TYW1B: variants seen among roughly 807,000 people sequenced by gnomAD.
TYW1B encodes the protein S-adenosyl-L-methionine-dependent tRNA 4-demethylwyosine synthase TYW1B.
In TYW1B, 73 loss-of-function variants were observed where a neutral mutation model predicts 86.9. The ratio of observed to expected loss-of-function variants is 0.84; its 90% confidence interval spans 0.70 to 1.02. The LOEUF (loss-of-function observed/expected upper bound fraction) is 1.02, where lower values mean the gene tolerates loss of function less well. Among genes scored for constraint, TYW1B ranks in the 50% least tolerant of loss-of-function variants. TYW1B has a pLI of 0.00. For missense variants in TYW1B, 637 were observed against 827.4 expected, an observed-to-expected ratio of 0.77 and a Z score of 2.82; for synonymous variants, 248 against 292.8, an observed-to-expected ratio of 0.85 and a Z score of 1.56.
At chr7:72,659,519 A>T (rs1367942853) in intron 11 of TYW1B, among the ~76,000 whole-genome samples, 3 of 152,208 alleles carry the variant, frequency 2.0e-5, no homozygotes, top group Non-Finnish European at 2.9e-5. Flanking sequence ...CTGAGGGTAC[A>T]GTGAGCCGAG....
chr7:72,713,756 G>A lies in TYW1B; in HGVS notation c.1235C>T (p.Thr412Met), dbSNP rs532191787. ...GAGGGACAATGCACAGTGCTTTACC[G>A]TCATTCCTTCTTCAAAGCGTTCTGC... ...VKAERFEEGM[T>M]VKHCALSLVG... The change falls in exon 10 of 14, where the codon ACG (threonine) becomes ATG (methionine). Residue 412 changes from threonine (T) to methionine (M), a missense_variant. Transcript: ENST00000620995. The A allele has an allele frequency of 1.7e-5, 28 of 1,603,642 alleles. No individual in the cohort carries two copies. The highest frequency in any genetic ancestry group is 1.7e-4 in the Middle Eastern group (1 of 6,008).
At chr7:72,722,022 TTCTCA>T (rs1786912851) in intron 9 of TYW1B, among the ~76,000 whole-genome samples, 1 of 152,204 alleles carries the variant, frequency 6.6e-6, no homozygotes, top group African/African-American at 2.4e-5. Context: ...CTCTTCTTTC[TTCTCA>T]TAACAATGCA....
rs56806378 is a variant in TYW1B, at chr7:72,734,268, A to AAAAAAAAAAAAAAAAAAAC, written c.1083-5338_1083-5337insGTTTTTTTTTTTTTTTTTT. ...TTAAAACTCCATCTCAAAAAAAAAA[A>AAAAAAAAAAAAAAAAAAAC]ACACAACAAAAAAACTATAAACCTA... On this transcript the variant is annotated intron_variant, in intron 8 of 13. Coordinates refer to ENST00000620995, the MANE Select transcript of TYW1B (RefSeq NM_001145440.3). Among the ~76,000 whole-genome samples the AAAAAAAAAAAAAAAAAAAC allele has an allele frequency of 2.6e-3, 255 of 98,072 alleles. 19 individuals are homozygous for AAAAAAAAAAAAAAAAAAAC. Among genetic ancestry groups the AAAAAAAAAAAAAAAAAAAC allele is most frequent in the Non-Finnish European group, 3.6e-3 (173 of 47,668 alleles). 64.3% of individuals were successfully genotyped at this position (98,072 alleles called of 152,430 possible).
chr7:72,668,463 T>C (rs1436320176), intron 11 of TYW1B, among the ~76,000 whole-genome samples: 8 of 152,208 alleles, frequency 5.3e-5, no homozygotes, highest in African/African-American at 1.7e-4. Context: ...GTTAAGACCA[T>C]TTCCCATTTT....
intron 11 of TYW1B, among the ~76,000 whole-genome samples, chr7:72,634,845 C>G (rs1189923211): frequency 1.2e-4 from 19 of 152,030 alleles, no homozygotes; most frequent in Non-Finnish European, 2.6e-4. Flanking sequence ...GTCTTTTTTC[C>G]AACTGATTTT....
chr7:72,687,105 A>G (rs1370338388), intron 11 of TYW1B, among the ~76,000 whole-genome samples: 2 of 152,212 alleles, frequency 1.3e-5, no homozygotes, highest in African/African-American at 4.8e-5. Flanking sequence ...TGTTAAAATG[A>G]GGAGCTCTGT....
At chr7:72,822,527 G>A (rs1586011872) in intron 2 of TYW1B, among the ~76,000 whole-genome samples, 1 of 152,266 alleles carries the variant, frequency 6.6e-6, no homozygotes, top group East Asian at 1.9e-4. Context: ...CTACAAATTT[G>A]CCTTCTCATT....
chr7:72,595,518 T>TA (rs1174956093), intron 13 of TYW1B, among the ~76,000 whole-genome samples: 8 of 151,886 alleles, frequency 5.3e-5, no homozygotes, highest in Admixed American at 1.3e-4. Flanking sequence ...ACCCTGTCTC[T>TA]AAAAAAATAC....
At chr7:72,654,333 A>G (rs1262639656) in intron 11 of TYW1B, among the ~76,000 whole-genome samples, 1 of 152,156 alleles carries the variant, frequency 6.6e-6, no homozygotes, top group Non-Finnish European at 1.5e-5. Flanking sequence ...CATAAGCACA[A>G]TTTAATCATA....
intron 12 of TYW1B, among the ~76,000 whole-genome samples, chr7:72,627,339 T>G (rs1243388569): frequency 6.6e-6 from 1 of 151,864 alleles, no homozygotes; most frequent in Non-Finnish European, 1.5e-5. Context: ...CACCAGCTAC[T>G]TGGGAGGCTG....
At chr7:72,760,891 T>C (rs185050466) in intron 7 of TYW1B, among the ~76,000 whole-genome samples, 59 of 152,268 alleles carry the variant, frequency 3.9e-4, no homozygotes, top group Admixed American at 2.4e-3. Context: ...TTTTGATACA[T>C]AGGACTAAGT....
chr7:72,599,359 A>G (rs1381383629), intron 13 of TYW1B, among the ~76,000 whole-genome samples: 1 of 152,224 alleles, frequency 6.6e-6, no homozygotes, highest in Non-Finnish European at 1.5e-5. Context: ...AAAAACCCTC[A>G]GCAAACTAGA....
At chr7:72,618,775 A>C (rs189365924) in intron 12 of TYW1B, among the ~76,000 whole-genome samples, 1 of 152,216 alleles carries the variant, frequency 6.6e-6, no homozygotes, top group African/African-American at 2.4e-5. Context: ...GTTGGAGCTG[A>C]AACTGTGCCC....
chr7:72,632,367 GCATATATATTATATATATACGTATA>G (rs1812532014), intron 11 of TYW1B, among the ~76,000 whole-genome samples: 1 of 60,468 alleles, frequency 1.7e-5, no homozygotes, highest in African/African-American at 9.1e-5. Context: ...ATATATATAC[GCATATATATTATATATATACGTATA>G]TATATATAAT....
chr7:72,577,436 T>A (rs567957815), intron 13 of TYW1B, among the ~76,000 whole-genome samples: 1 of 152,182 alleles, frequency 6.6e-6, no homozygotes, highest in Non-Finnish European at 1.5e-5. Context: ...AAAATTTATA[T>A]CTCACCATCA....
chr7:72,766,272 T>C (rs140031869), intron 7 of TYW1B, among the ~76,000 whole-genome samples: 4 of 152,358 alleles, frequency 2.6e-5, no homozygotes. Flanking sequence ...AAAGCCATTA[T>C]GCAAACTGAC....
At chr7:72,741,944 G>A (rs569699610) in intron 8 of TYW1B, among the ~76,000 whole-genome samples, 1 of 152,222 alleles carries the variant, frequency 6.6e-6, no homozygotes, top group African/African-American at 2.4e-5. Context: ...AAAGGCTGAG[G>A]GAGTTCACTG....
At chr7:72,796,886 C>T (rs570832160) in intron 6 of TYW1B, among the ~76,000 whole-genome samples, 2 of 59,820 alleles carry the variant, frequency 3.3e-5, no homozygotes, top group Admixed American at 1.7e-4. Context: ...CTCACTGCAA[C>T]CTCCACCTCC....
At chr7:72,676,532 C>T (rs1458390785) in intron 11 of TYW1B, among the ~76,000 whole-genome samples, 1 of 152,150 alleles carries the variant, frequency 6.6e-6, no homozygotes, top group African/African-American at 2.4e-5. Context: ...ACTGGTGGGG[C>T]TGCCATACCT....
Sources: gnomAD v4.1 joint callset for allele counts (sites outside exome capture counted in the v4.1 genomes callset) on GRCh38, gnomAD v4.1.1 for gene constraint, MANE v1.5 for transcripts, NCBI Gene and HGNC (gene_info 2026-07-23, HGNC 2026-07-21) for gene names.